MAP3K7CL: variants seen among roughly 807,000 people sequenced by gnomAD.
MAP3K7CL encodes the protein MAP3K7 C-terminal-like protein.
In MAP3K7CL, 16 loss-of-function variants were observed where a neutral mutation model predicts 18.6. The ratio of observed to expected loss-of-function variants is 0.86; its 90% CI spans 0.58 to 1.31. MAP3K7CL has a LOEUF of 1.31. Among genes scored for constraint, MAP3K7CL ranks in the 50% most tolerant of loss-of-function variants. MAP3K7CL has a pLI of 0.00. For synonymous variants in MAP3K7CL, 65 were observed against 66.8 expected, an observed-to-expected ratio of 0.97 and a Z score of 0.13; for missense variants, 163 against 174.4, an observed-to-expected ratio of 0.93 and a Z score of 0.37.
At chr21:29,145,590 A>G (rs2087110869) in intron 2 of MAP3K7CL, 1 of 152,222 alleles carries the variant, frequency 6.6e-6, no homozygotes, top group African/African-American at 2.4e-5. Context: ...CACACCACAC[A>G]TCAACTTGGG....
At chr21:29,094,718 TCGGTGCACAGCCA>T (rs1443165426) in intron 4 of MAP3K7CL, among the ~76,000 whole-genome samples, 1 of 152,124 alleles carries the variant, frequency 6.6e-6, no homozygotes, top group Non-Finnish European at 1.5e-5. Flanking sequence ...CATACCAGAC[TCGGTGCACAGCCA>T]GTGCCTTACG....
chr21:29,098,097 G>A (rs1415278514), intron 4 of MAP3K7CL, among the ~76,000 whole-genome samples: 1 of 152,174 alleles, frequency 6.6e-6, no homozygotes, highest in African/African-American at 2.4e-5. Context: ...AGGCACATGA[G>A]GCTCATGTCT....
intron 2 of MAP3K7CL, among the ~76,000 whole-genome samples, chr21:29,141,120 T>C (rs906417367): frequency 3.3e-5 from 5 of 152,318 alleles, no homozygotes; most frequent in African/African-American, 1.2e-4. Context: ...ACAGTGAGTA[T>C]GTTATAACCT....
intron 4 of MAP3K7CL, among the ~76,000 whole-genome samples, chr21:29,111,320 A>T (rs2086417147): frequency 2.6e-5 from 4 of 152,268 alleles, no homozygotes; most frequent in African/African-American, 9.6e-5. Flanking sequence ...ATGTCTCATC[A>T]TCCTTAGTTG....
At chr21:29,106,864 C>T (rs2086331683) in intron 4 of MAP3K7CL, among the ~76,000 whole-genome samples, 1 of 152,206 alleles carries the variant, frequency 6.6e-6, no homozygotes, top group South Asian at 2.1e-4. Flanking sequence ...TCTATTCTGC[C>T]AGTCCTTGAA....
chr21:29,160,023 T>C lies in MAP3K7CL; in HGVS notation c.215T>C (p.Val72Ala). Residue 72 changes from valine (V) to alanine (A), a missense_variant, in exon 4 of 5, where the codon GTC (valine) becomes GCC (alanine). Transcript: ENST00000399928. ...HCQIAEEYHE[V>A]KKEITLLEQR... ...CAAATAGCAGAAGAATACCATGAGG[T>C]CAAAAAGGAAATCACCCTGCTTGAG... 1 of 1,613,804 alleles carries C rather than the reference T, an allele frequency of 6.2e-7. No individual in the cohort carries two copies. The highest frequency in any genetic ancestry group is 8.5e-7 in the Non-Finnish European group (1 of 1,179,910).
At chr21:29,109,927 A>G (rs2086390405) in intron 4 of MAP3K7CL, 1 of 355,766 alleles carries the variant, frequency 2.8e-6, no homozygotes, top group Non-Finnish European at 3.9e-6. Flanking sequence ...TAATCTAGCA[A>G]TGTGTAGTAG....
At chr21:29,171,025 A>G (rs1474561212) in intron 4 of MAP3K7CL, among the ~76,000 whole-genome samples, 3 of 151,464 alleles carry the variant, frequency 2.0e-5, no homozygotes, top group Non-Finnish European at 4.4e-5. Context: ...TTAATATTTA[A>G]TTATTGACAT....
intron 4 of MAP3K7CL, among the ~76,000 whole-genome samples, chr21:29,094,248 GCAA>G (rs1313126822): frequency 2.0e-5 from 3 of 152,170 alleles, no homozygotes; most frequent in Non-Finnish European, 4.4e-5. Context: ...ACAGCTTCCC[GCAA>G]CAACAATTAT....
At chr21:29,131,946 G>C (rs980797093) in intron 1 of MAP3K7CL, among the ~76,000 whole-genome samples, 2 of 152,198 alleles carry the variant, frequency 1.3e-5, no homozygotes, top group Admixed American at 1.3e-4. Context: ...GTGAGAAAAT[G>C]TCCTGCTAAA....
intron 3 of MAP3K7CL, among the ~76,000 whole-genome samples, chr21:29,159,074 C>T (rs1438492605): frequency 6.6e-6 from 1 of 152,072 alleles, no homozygotes; most frequent in Non-Finnish European, 1.5e-5. Context: ...GTGGGCCCCG[C>T]CATGCCTGGC....
intron 2 of MAP3K7CL, among the ~76,000 whole-genome samples, chr21:29,143,799 T>A (rs182470248): frequency 1.6e-4 from 24 of 152,196 alleles, no homozygotes; most frequent in African/African-American, 5.5e-4. Flanking sequence ...GGGAGCACAG[T>A]GGGAGGGGGA....
upstream of MAP3K7CL, among the ~76,000 whole-genome samples, chr21:29,082,994 C>G (rs532618494): frequency 5.2e-3 from 789 of 151,930 alleles, 7 homozygotes; most frequent in African/African-American, 0.018. Flanking sequence ...ATTGAAAAAA[C>G]TCTAGCTAAA....
intron 4 of MAP3K7CL, among the ~76,000 whole-genome samples, chr21:29,103,883 GAC>G (rs1312951986): frequency 6.6e-6 from 1 of 152,178 alleles, no homozygotes; most frequent in Non-Finnish European, 1.5e-5. Context: ...CAGCCTGGGT[GAC>G]AGAGTGAGAC....
upstream of MAP3K7CL, among the ~76,000 whole-genome samples, chr21:29,128,727 T>G (rs1440883470): frequency 6.6e-6 from 1 of 152,230 alleles, no homozygotes; most frequent in Admixed American, 6.5e-5. Flanking sequence ...GCCTGTTATT[T>G]GAATTGTCTG....
upstream of MAP3K7CL, chr21:29,128,123 T>G (rs958338898): frequency 6.6e-6 from 1 of 152,224 alleles, no homozygotes; most frequent in Admixed American, 6.5e-5. Context: ...ATGTGGTATC[T>G]GCTTTCCCAT....
At chr21:29,162,350 T>C (rs547798277) in intron 4 of MAP3K7CL, among the ~76,000 whole-genome samples, 1 of 151,864 alleles carries the variant, frequency 6.6e-6, no homozygotes, top group African/African-American at 2.4e-5. Context: ...TCCCCTAAAT[T>C]ACATGTTCTG....
intron 4 of MAP3K7CL, among the ~76,000 whole-genome samples, chr21:29,101,752 A>G (rs1384548517): frequency 6.6e-6 from 1 of 152,152 alleles, no homozygotes; most frequent in South Asian, 2.1e-4. Flanking sequence ...ATATAAAACA[A>G]TAGTATCTAA....
At chr21:29,092,189 C>A (rs1474501504) in intron 3 of MAP3K7CL, 11 of 454,038 alleles carry the variant, frequency 2.4e-5, no homozygotes, top group Non-Finnish European at 3.9e-5. Context: ...TAAGAAAAAT[C>A]TGAGGCAGAG....
Sources: gnomAD v4.1 joint callset for allele counts (sites outside exome capture counted in the v4.1 genomes callset) on GRCh38, gnomAD v4.1.1 for gene constraint, MANE v1.5 for transcripts, NCBI Gene and HGNC (gene_info 2026-07-23, HGNC 2026-07-21) for gene names.